The following SHANK2 variants were observed in gnomAD, a reference collection of about 807,000 sequenced individuals.
The protein encoded by SHANK2 is SH3 and multiple ankyrin repeat domains protein 2.
Under a neutral mutation model 133.7 loss-of-function variants are expected in SHANK2, and 43 were observed. The ratio of observed to expected loss-of-function variants is 0.32; its 90% CI spans 0.25 to 0.41. The LOEUF (loss-of-function observed/expected upper bound fraction) is 0.41. SHANK2 is among the 10% of genes least tolerant of loss of function. The probability of loss-of-function intolerance (pLI) is 1.00; values close to 1 mark genes in which losing one functional copy is unlikely to be tolerated. For missense variants in SHANK2, 1,994 were observed against 2,235.8 expected (o/e 0.89, Z 2.18); for synonymous variants, 1,017 against 952.8 (o/e 1.07, Z -1.24).
chr11:70,823,951 C>T lies in SHANK2; in HGVS notation c.1175-3269G>A, dbSNP rs1396643104. ...GTGGCACTAGCAGAGCTCACAGGTA[C>T]AGAGGTGGTATTGACAGCTCCCAAG... On this transcript the variant is annotated intron_variant, in intron 11 of 25. Coordinates refer to ENST00000601538, the MANE Select transcript of SHANK2 (RefSeq NM_012309.5). 3.4e-5 allele frequency among the ~76,000 whole-genome samples: 5 copies of T among 148,124 alleles called. No homozygotes were observed. The Admixed American group carries it at 3.4e-4, about 10-fold the overall frequency.
At position 70,807,370 on chromosome 11, in the gene SHANK2, C is replaced by T. The variant is rs1948185515; in HGVS notation, c.1494-199G>A. ...GGCTCAGGCAGATCCAACAATCCCACTCGCAGGTCTGCCCCGCACAGACAG... is the reference window on the plus strand; with the variant it reads ...GGCTCAGGCAGATCCAACAATCCCATTCGCAGGTCTGCCCCGCACAGACAG... On this transcript the variant is annotated intron_variant, in intron 12 of 25. Transcript: ENST00000601538. This position sits in a 1 kb window ranked among gnomAD's most constrained non-coding sequence, Gnocchi z 4.8. Among the ~76,000 whole-genome samples, 1 of 152,222 alleles carries T rather than the reference C, an allele frequency of 6.6e-6. No individual in the cohort carries two copies. Among genetic ancestry groups the T allele is most frequent in the African/African-American group, 2.4e-5 (1 of 41,470 alleles).
chr11:70,603,953 T>A (rs1475052156), intron 17 of SHANK2: 2 of 152,552 alleles, frequency 1.3e-5, no homozygotes, highest in Non-Finnish European at 2.9e-5. Context: ...TTTATGCAAA[T>A]ATTTAACCAC....
chr11:70,767,672 G>A (rs1318885902), intron 14 of SHANK2, among the ~76,000 whole-genome samples: 1 of 152,110 alleles, frequency 6.6e-6, no homozygotes, highest in Admixed American at 6.5e-5. Flanking sequence ...GTGATGAGAA[G>A]TAGATTAGTG....
intron 14 of SHANK2, among the ~76,000 whole-genome samples, chr11:70,757,367 TGCCCTGAGAAA>T (rs1555039160): frequency 6.6e-6 from 1 of 152,248 alleles, no homozygotes; most frequent in African/African-American, 2.4e-5. Flanking sequence ...CTGTGGCTGC[TGCCCTGAGAAA>T]GTCCTGCCCG....
At chr11:70,520,027 C>T (rs4980604) in intron 17 of SHANK2, among the ~76,000 whole-genome samples, 1 of 151,566 alleles carries the variant, frequency 6.6e-6, no homozygotes, top group South Asian at 2.1e-4. Flanking sequence ...GGATGACAGG[C>T]GTAAGCCACC....
At chr11:71,172,290 A>C (rs1391888635) in intron 2 of SHANK2, among the ~76,000 whole-genome samples, 31 of 152,280 alleles carry the variant, frequency 2.0e-4, no homozygotes, top group Admixed American at 2.0e-3. Flanking sequence ...GGTGGGCCAC[A>C]TGCTTTCTCT....
chr11:70,839,076 G>A (rs1224762823), intron 11 of SHANK2, among the ~76,000 whole-genome samples: 1 of 152,200 alleles, frequency 6.6e-6, no homozygotes, highest in Non-Finnish European at 1.5e-5. Context: ...AGTCTGACAT[G>A]AGCTGCTCCA....
intron 17 of SHANK2, among the ~76,000 whole-genome samples, chr11:70,637,895 G>A (rs75017954): frequency 1.4e-3 from 211 of 152,256 alleles, no homozygotes; most frequent in Admixed American, 1.7e-3. Context: ...TGGGGTCTGC[G>A]AGCTGCCCAC....
At chr11:70,680,053 T>A (rs115461356) in intron 15 of SHANK2, among the ~76,000 whole-genome samples, 1 of 152,176 alleles carries the variant, frequency 6.6e-6, no homozygotes, top group Admixed American at 6.5e-5. Flanking sequence ...GAGGCGGCAT[T>A]TCCTGTCCTT....
At chr11:71,201,776 G>C (rs539653378) in intron 2 of SHANK2, among the ~76,000 whole-genome samples, 1 of 152,178 alleles carries the variant, frequency 6.6e-6, no homozygotes, top group Non-Finnish European at 1.5e-5. Context: ...GAAGGAGCAC[G>C]TTGTCTCCCA....
intron 17 of SHANK2, among the ~76,000 whole-genome samples, chr11:70,529,375 G>A (rs1467579258): frequency 2.0e-5 from 3 of 152,246 alleles, no homozygotes; most frequent in Non-Finnish European, 4.4e-5. Context: ...ATGGTGGCTG[G>A]TGCAGTGGAA....
intron 12 of SHANK2, 78 bp downstream of exon 12, chr11:70,820,286 T>A: frequency 3.4e-6 from 2 of 588,240 alleles, no homozygotes; most frequent in South Asian, 4.5e-5. Flanking sequence ...GCTCAACTTC[T>A]GGGCCACCCC....
At chr11:70,493,254 C>T (rs2058922365) in intron 21 of SHANK2, among the ~76,000 whole-genome samples, 2 of 149,280 alleles carry the variant, frequency 1.3e-5, no homozygotes, top group African/African-American at 2.5e-5. Flanking sequence ...GAGGATCTGC[C>T]ACCCAAGGCA....
chr11:70,766,217 T>C (rs893980245), intron 14 of SHANK2, among the ~76,000 whole-genome samples: 1 of 152,256 alleles, frequency 6.6e-6, no homozygotes. Flanking sequence ...CGAGGCAGCC[T>C]ATTAAGGATG....
chr11:70,590,926 T>C (rs2060312920), intron 17 of SHANK2, among the ~76,000 whole-genome samples: 1 of 152,212 alleles, frequency 6.6e-6, no homozygotes, highest in Non-Finnish European at 1.5e-5. Context: ...GGGCCAAGGC[T>C]TTCATGCCTG....
intron 10 of SHANK2, among the ~76,000 whole-genome samples, chr11:70,935,285 G>GC (rs1950557170): frequency 6.6e-6 from 1 of 152,064 alleles, no homozygotes; most frequent in Admixed American, 6.5e-5. Flanking sequence ...GAAAAACACA[G>GC]CCCATACATG....
At chr11:70,910,761 C>T (rs1238859032) in intron 10 of SHANK2, among the ~76,000 whole-genome samples, 2 of 151,006 alleles carry the variant, frequency 1.3e-5, no homozygotes, top group African/African-American at 2.4e-5. Context: ...GAGCTGAGAT[C>T]GCACAACTGC....
chr11:70,951,373 G>A (rs1371608750), intron 10 of SHANK2, among the ~76,000 whole-genome samples: 1 of 150,680 alleles, frequency 6.6e-6, no homozygotes, highest in Non-Finnish European at 1.5e-5. Context: ...CGGCTGGGTG[G>A]TGATGTCATA....
intron 17 of SHANK2, among the ~76,000 whole-genome samples, chr11:70,541,425 T>C (rs2059620415): frequency 6.6e-6 from 1 of 152,222 alleles, no homozygotes; most frequent in African/African-American, 2.4e-5. Context: ...GGCAGCTTCC[T>C]GGCGTGCCCT....
Sources: gnomAD v4.1 joint callset for allele counts (sites outside exome capture counted in the v4.1 genomes callset) on GRCh38, gnomAD v4.1.1 for gene constraint, Gnocchi (gnomAD v3.1) non-coding constraint, MANE v1.5 for transcripts, NCBI Gene and HGNC (gene_info 2026-07-23, HGNC 2026-07-21) for gene names.